FGF12: variants seen among roughly 807,000 people sequenced by gnomAD.
The protein encoded by FGF12 is fibroblast growth factor 12B.
In FGF12, 14 loss-of-function variants were observed where a neutral mutation model predicts 23.6. The observed-to-expected ratio is 0.59, with a 90% CI of 0.39 to 0.93. The LOEUF (loss-of-function observed/expected upper bound fraction) is 0.93, where lower values mean the gene tolerates loss of function less well. FGF12 is among the 40% of genes least tolerant of loss of function. The pLI is 0.00. For missense variants in FGF12, 175 were observed against 217.8 expected (o/e 0.80, Z 1.24); for synonymous variants, 62 against 77.3 (o/e 0.80, Z 1.04).
intron 4 of FGF12, among the ~76,000 whole-genome samples, chr3:192,255,640 A>G (rs145362815): frequency 6.6e-6 from 1 of 152,190 alleles, no homozygotes; most frequent in African/African-American, 2.4e-5. Flanking sequence ...ATTATTTGCA[A>G]TCTCTGATTA....
chr3:192,394,757 C>T (rs1720450121), intron 2 of FGF12, among the ~76,000 whole-genome samples: 1 of 151,920 alleles, frequency 6.6e-6, no homozygotes, highest in Admixed American at 6.6e-5. Context: ...GGGTTTCAAA[C>T]CAAGCAAAAG....
intron 2 of FGF12, among the ~76,000 whole-genome samples, chr3:192,719,921 C>T (rs1417392044): frequency 6.6e-6 from 1 of 152,156 alleles, no homozygotes; most frequent in African/African-American, 2.4e-5. Flanking sequence ...TTTGTTCAAT[C>T]TGTTAGAGTG....
chr3:192,391,071 G>A (rs1189179270), intron 2 of FGF12, among the ~76,000 whole-genome samples: 1 of 152,180 alleles, frequency 6.6e-6, no homozygotes, highest in Non-Finnish European at 1.5e-5. Context: ...CAATAAAAAT[G>A]AGTTTATCCA....
At chr3:192,727,052 A>T in intron 2 of FGF12, 129 bp downstream of exon 2, 1 of 1,161,674 alleles carries the variant, frequency 8.6e-7, no homozygotes, top group East Asian at 2.6e-5. Flanking sequence ...GCTGCAATGG[A>T]CATAGCATCT....
Position 192,565,649 on chromosome 3 carries a change from C to G in FGF12, c.13+161532G>C, listed in dbSNP as rs139298834. Among the ~76,000 whole-genome samples, 862 of 152,308 alleles carry G rather than the reference C, an allele frequency of 5.7e-3. 11 individuals carry two copies. The highest frequency in any genetic ancestry group is 0.02 in the African/African-American group (812 of 41,572). On this transcript the variant is annotated intron_variant, in intron 2 of 5. Coordinates refer to ENST00000445105, the MANE Select transcript of FGF12 (RefSeq NM_004113.6). ...TGAATAGCAGGCAACAGCATACAGC[C>G]TATTGTATAGTGGGCTATACACTAC... is the stretch of plus-strand genomic sequence containing the variant.
intron 5 of FGF12, among the ~76,000 whole-genome samples, chr3:192,148,675 A>G (rs1211638981): frequency 6.6e-6 from 1 of 152,218 alleles, no homozygotes; most frequent in East Asian, 1.9e-4. Flanking sequence ...CCTGAGTATA[A>G]GGTATAAGAA....
intron 4 of FGF12, among the ~76,000 whole-genome samples, chr3:192,221,498 A>C (rs1180907317): frequency 1.3e-5 from 2 of 152,326 alleles, no homozygotes; most frequent in East Asian, 3.9e-4. Context: ...CTTTATACTA[A>C]GGTACGTTAA....
At chr3:192,660,880 T>C (rs1217085719) in intron 2 of FGF12, among the ~76,000 whole-genome samples, 1 of 67,592 alleles carries the variant, frequency 1.5e-5, no homozygotes, top group East Asian at 3.4e-4. Context: ...AGTAAACATT[T>C]GGGGGTGGGG....
chr3:192,643,955 A>G lies in FGF12; in HGVS notation c.13+83226T>C, dbSNP rs116311151. Among the ~76,000 whole-genome samples the G allele has an allele frequency of 5.6e-3, 853 of 152,288 alleles. 8 individuals are homozygous for G. Among genetic ancestry groups the G allele is most frequent in the African/African-American group, 0.02 (811 of 41,578 alleles). ...CACTGACACCCCACTTGAAGAGTAA[A>G]CCAAGTGACTTCAGAACTTACAAAG... On this transcript the variant is annotated intron_variant, in intron 2 of 5. Transcript: ENST00000445105.
chr3:192,423,366 T>A (rs970164819), intron 2 of FGF12, among the ~76,000 whole-genome samples: 1 of 152,196 alleles, frequency 6.6e-6, no homozygotes, highest in African/African-American at 2.4e-5. Flanking sequence ...TTTATAAGTA[T>A]GTATCTAGAA....
chr3:192,152,575 A>G (rs548485801), intron 5 of FGF12, among the ~76,000 whole-genome samples: 14,902 of 136,400 alleles, frequency 0.11, 932 homozygotes, highest in Middle Eastern at 0.19. Context: ...TTATGTACCC[A>G]GTAGTCATTC....
rs758376533 is a variant in FGF12 at position 192,627,809 on chromosome 3, A to G, written c.13+99372T>C. Among the ~76,000 whole-genome samples the G allele has an allele frequency of 2.6e-4, 39 of 151,976 alleles. 1 individual carries two copies. Among genetic ancestry groups the G allele is most frequent in the Non-Finnish European group, 5.9e-5 (4 of 67,970 alleles). On this transcript the variant is annotated intron_variant, in intron 2 of 5. Coordinates refer to ENST00000445105, the MANE Select transcript of FGF12 (RefSeq NM_004113.6). ...TTACTACCAAGATATTAACATTTAT[A>G]TAATTCACAGACCTCAGTTTGACTT...
chr3:192,590,223 T>A (rs1172281078), intron 2 of FGF12, among the ~76,000 whole-genome samples: 1 of 151,890 alleles, frequency 6.6e-6, no homozygotes, highest in Admixed American at 6.6e-5. Context: ...CTAGAACCAG[T>A]ATATGTATGG....
intron 2 of FGF12, among the ~76,000 whole-genome samples, chr3:192,492,954 T>C (rs13090777): frequency 1.4e-5 from 2 of 147,256 alleles, no homozygotes; most frequent in African/African-American, 5.2e-5. Context: ...TTAATTTTTG[T>C]AATTTTTTTT....
intron 4 of FGF12, among the ~76,000 whole-genome samples, chr3:192,295,387 T>A (rs568132058): frequency 6.6e-6 from 1 of 152,340 alleles, no homozygotes; most frequent in East Asian, 1.9e-4. Flanking sequence ...AGGAATCTCC[T>A]TATGCCTCAC....
At chr3:192,166,945 T>C (rs925513000) in intron 5 of FGF12, among the ~76,000 whole-genome samples, 1 of 151,504 alleles carries the variant, frequency 6.6e-6, no homozygotes, top group African/African-American at 2.4e-5. Flanking sequence ...TTAGAATGCA[T>C]TTTTTTTCCC....
chr3:192,634,766 A>T (rs1715518401), intron 2 of FGF12, among the ~76,000 whole-genome samples: 1 of 152,178 alleles, frequency 6.6e-6, no homozygotes, highest in Non-Finnish European at 1.5e-5. Context: ...TTAATTAGCT[A>T]AATTAATTAA....
intron 3 of FGF12, among the ~76,000 whole-genome samples, chr3:192,343,356 G>A (rs1378395109): frequency 6.6e-6 from 1 of 152,080 alleles, no homozygotes; most frequent in Admixed American, 6.5e-5. Context: ...TTTTATTAGA[G>A]TGTGAATAAG....
At chr3:192,220,269 C>G (rs376297607) in intron 4 of FGF12, among the ~76,000 whole-genome samples, 15 of 152,280 alleles carry the variant, frequency 9.9e-5, no homozygotes, top group East Asian at 5.8e-4. Context: ...GCATCAAAGA[C>G]CCTCCATGAC....
Sources: allele counts gnomAD v4.1 joint callset (sites outside exome capture counted in the v4.1 genomes callset), GRCh38; gene constraint gnomAD v4.1.1; transcripts MANE v1.5; gene names NCBI Gene and HGNC (gene_info 2026-07-23, HGNC 2026-07-21).